Variants in DIS3L2 observed in about 807,000 individuals in gnomAD.
The protein encoded by DIS3L2 is DIS3-like exonuclease 2.
DIS3L2 carries 34 observed loss-of-function variants against 97.5 expected under a neutral mutation model. The ratio of observed to expected loss-of-function variants is 0.35; its 90% CI spans 0.27 to 0.46. The LOEUF (loss-of-function observed/expected upper bound fraction) is 0.46, where lower values mean the gene tolerates loss of function less well. Among genes scored for constraint, DIS3L2 ranks in the 20% least tolerant of loss-of-function variants. The probability of loss-of-function intolerance (pLI) is 1.00; values close to 1 mark genes in which losing one functional copy is unlikely to be tolerated. For missense variants in DIS3L2, 1,038 were observed against 1,146.0 expected (o/e 0.91, Z 1.36); for synonymous variants, 435 against 445.2 (o/e 0.98, Z 0.29).
chr2:231,965,373 T>C (rs1313470466), intron 1 of DIS3L2, among the ~76,000 whole-genome samples: 1 of 152,128 alleles, frequency 6.6e-6, no homozygotes, highest in Non-Finnish European at 1.5e-5. Flanking sequence ...GTGTTTAGCC[T>C]ATCAGCCTTT....
At chr2:232,235,356 A>G (rs3103284) in intron 10 of DIS3L2, among the ~76,000 whole-genome samples, 3,696 of 152,358 alleles carry the variant, frequency 0.024, 81 homozygotes, top group Non-Finnish European at 0.035. Flanking sequence ...TTCATAGAAT[A>G]AAAAGTTCAG....
intron 9 of DIS3L2, among the ~76,000 whole-genome samples, chr2:232,189,254 C>G (rs192802541): frequency 1.4e-4 from 22 of 152,260 alleles, no homozygotes; most frequent in Admixed American, 1.0e-3. Flanking sequence ...AACCTACATT[C>G]TCAAAAAAAC....
Position 232,015,512 on chromosome 2 carries a change from A to C in DIS3L2, c.53-2A>C. The C allele has an allele frequency of 6.2e-7, 1 of 1,613,382 alleles. No homozygotes were observed. Among genetic ancestry groups the C allele is most frequent in the Non-Finnish European group, 8.5e-7 (1 of 1,179,654 alleles). On this transcript the variant is annotated splice_acceptor_variant, in intron 2 of 20. Coordinates refer to ENST00000325385, the MANE Select transcript of DIS3L2 (RefSeq NM_152383.5). LOFTEE classifies it high-confidence loss of function. ...GAGTTGATTGCTGCCTCCTGTTTCT[A>C]GGTGTGTCTGCTGTGGCTGGTCCAC... is the stretch of plus-strand genomic sequence containing the variant.
At chr2:232,109,428 G>A (rs769622929) in intron 6 of DIS3L2, among the ~76,000 whole-genome samples, 1 of 151,924 alleles carries the variant, frequency 6.6e-6, no homozygotes, top group Non-Finnish European at 1.5e-5. Flanking sequence ...GCGACAGAGC[G>A]AGACTCAGTC....
chr2:232,231,177 A>G (rs1475484262), intron 10 of DIS3L2, among the ~76,000 whole-genome samples: 1 of 152,178 alleles, frequency 6.6e-6, no homozygotes, highest in Non-Finnish European at 1.5e-5. Flanking sequence ...ATGAGAAGGG[A>G]CCTTGTCAGT....
chr2:232,162,691 G>A (rs942699342), intron 8 of DIS3L2, among the ~76,000 whole-genome samples: 18 of 152,158 alleles, frequency 1.2e-4, no homozygotes, highest in South Asian at 4.1e-4. Flanking sequence ...CCTCTACAAA[G>A]GCAGCCAAGG....
At chr2:232,240,667 C>T (rs1417712272) in intron 11 of DIS3L2, among the ~76,000 whole-genome samples, 1 of 152,118 alleles carries the variant, frequency 6.6e-6, no homozygotes, top group South Asian at 2.1e-4. Context: ...TTCTCTTTGC[C>T]CCCCGACCCC....
At chr2:232,014,565 G>T (rs1694300689) in intron 1 of DIS3L2, among the ~76,000 whole-genome samples, 1 of 152,134 alleles carries the variant, frequency 6.6e-6, no homozygotes, top group Non-Finnish European at 1.5e-5. Flanking sequence ...AGAACCGCAG[G>T]ATTCCTTATT....
intron 14 of DIS3L2, among the ~76,000 whole-genome samples, chr2:232,323,547 C>G (rs141060852): frequency 6.6e-6 from 1 of 152,176 alleles, no homozygotes; most frequent in African/African-American, 2.4e-5. Flanking sequence ...AGCCTCCCAG[C>G]CTAGGAAACC....
At chr2:232,104,526 C>CCT (rs1342361170) in intron 6 of DIS3L2, among the ~76,000 whole-genome samples, 1 of 152,156 alleles carries the variant, frequency 6.6e-6, no homozygotes. Context: ...ATTTCCCAAA[C>CCT]CTTTTCATCA....
chr2:232,086,970 C>T (rs887940070), intron 5 of DIS3L2, among the ~76,000 whole-genome samples: 9 of 152,006 alleles, frequency 5.9e-5, no homozygotes, highest in Admixed American at 3.3e-4. Flanking sequence ...CTTGAGCCAC[C>T]GCGCCTGGCC....
At chr2:232,020,897 T>A (rs950422747) in intron 3 of DIS3L2, among the ~76,000 whole-genome samples, 1 of 152,176 alleles carries the variant, frequency 6.6e-6, no homozygotes, top group African/African-American at 2.4e-5. Flanking sequence ...TTGTTTTTAT[T>A]ACTATAAGAG....
At chr2:232,309,860 A>C (rs1477262292) in intron 14 of DIS3L2, among the ~76,000 whole-genome samples, 1 of 152,214 alleles carries the variant, frequency 6.6e-6, no homozygotes, top group Non-Finnish European at 1.5e-5. Flanking sequence ...GATCTGAGTG[A>C]TGCCTCTTCC....
Position 232,263,313 on chromosome 2 carries a change from A to C in DIS3L2, c.1532A>C (p.Lys511Thr), listed in dbSNP as rs1233527736. Residue 511 changes from lysine to threonine, a missense_variant, in exon 13 of 21, where the codon AAA becomes ACA. Around this residue, in one of 3 missense-constraint regions of DIS3L2, gnomAD observed 813 missense variants for 880.1 expected, o/e 0.92. Transcript: ENST00000325385. Reference sequence around the variant, plus strand: ...AGCCCAACTGAGAAAATCCCTGCGAAAGAGCTGCCCCCCATTTCCCCAGAG... The same window carrying C: ...AGCCCAACTGAGAAAATCCCTGCGACAGAGCTGCCCCCCATTTCCCCAGAG... ...IESPTEKIPA[K>T]ELPPISPEHS... 1 of 1,614,214 alleles carries C rather than the reference A, an allele frequency of 6.2e-7. No individual in the cohort carries two copies. The highest frequency in any genetic ancestry group is 8.5e-7 in the Non-Finnish European group (1 of 1,180,042).
rs561730817 is a variant in DIS3L2 at position 232,244,632 on chromosome 2, A to G, written c.1318-4607A>G. 2.0e-5 allele frequency among the ~76,000 whole-genome samples: 3 copies of G among 152,316 alleles called. No individual in the cohort carries two copies. In the South Asian group the frequency reaches 6.2e-4, roughly 32 times the overall value. ...GAGACGAGGGCACACATGTAAAGTGAGTGGGCCTGGGAGAAATTGGCCAAA... is the reference window on the plus strand; with the variant it reads ...GAGACGAGGGCACACATGTAAAGTGGGTGGGCCTGGGAGAAATTGGCCAAA... On this transcript the variant is annotated intron_variant, in intron 11 of 20. Transcript: ENST00000325385.
chr2:232,077,943 TTTTCTTTCTTTC>T (rs1218508918), intron 5 of DIS3L2, among the ~76,000 whole-genome samples: 1 of 148,986 alleles, frequency 6.7e-6, no homozygotes, highest in South Asian at 2.2e-4. Context: ...CTTTCTTTCT[TTTTCTTTCTTTC>T]TCTTTCTTTC....
intron 9 of DIS3L2, among the ~76,000 whole-genome samples, chr2:232,206,209 A>G (rs1692022286): frequency 6.6e-6 from 1 of 152,262 alleles, no homozygotes; most frequent in Non-Finnish European, 1.5e-5. Context: ...TGATACCGGC[A>G]TATTAAAGGC....
At chr2:232,118,644 G>A (rs1204594808) in intron 6 of DIS3L2, among the ~76,000 whole-genome samples, 1 of 152,138 alleles carries the variant, frequency 6.6e-6, no homozygotes, top group African/African-American at 2.4e-5. Flanking sequence ...TTGCTCTCAT[G>A]TTTAATTCCT....
At chr2:232,310,415 C>A (rs1695092057) in intron 14 of DIS3L2, among the ~76,000 whole-genome samples, 1 of 152,346 alleles carries the variant, frequency 6.6e-6, no homozygotes, top group South Asian at 2.1e-4. Context: ...ATGATGCAGG[C>A]ACAACTCCTG....
Sources: allele counts gnomAD v4.1 joint callset (sites outside exome capture counted in the v4.1 genomes callset), GRCh38; gene constraint gnomAD v4.1.1; regional missense constraint gnomAD v4.1.1; transcripts MANE v1.5; gene names NCBI Gene and HGNC (gene_info 2026-07-23, HGNC 2026-07-21).